Variants in TBCA observed in about 807,000 individuals in gnomAD.
TBCA encodes tubulin folding cofactor A.
Under a neutral mutation model 15.8 loss-of-function variants are expected in TBCA, and 6 were observed. The ratio of observed to expected loss-of-function variants is 0.38; its 90% confidence interval spans 0.21 to 0.75. The LOEUF (loss-of-function observed/expected upper bound fraction) is 0.75, where lower values mean the gene tolerates loss of function less well. Ranked by LOEUF, TBCA falls within the 30% of genes least tolerant of loss-of-function variation. The pLI, the probability that TBCA is intolerant of heterozygous loss-of-function variation, is 0.46. For missense variants in TBCA, 90 were observed against 131.2 expected (o/e 0.69, Z 1.53); for synonymous variants, 32 against 42.3 (o/e 0.76, Z 0.94).
intron 1 of TBCA, among the ~76,000 whole-genome samples, chr5:77,759,195 G>C (rs1387104965): frequency 6.6e-6 from 1 of 152,168 alleles, no homozygotes; most frequent in African/African-American, 2.4e-5. Flanking sequence ...ATCAAAGAGC[G>C]GGGACGCTTC....
intron 1 of TBCA, among the ~76,000 whole-genome samples, chr5:77,775,176 C>T (rs898033813): frequency 7.2e-5 from 11 of 152,114 alleles, no homozygotes; most frequent in African/African-American, 2.2e-4. Context: ...GAGACAAATG[C>T]GTAACTGACT....
Position 77,703,805 on chromosome 5 carries a change from T to G in TBCA, c.159+4437A>C, listed in dbSNP as rs188910484. Among the ~76,000 whole-genome samples, 267 of 152,270 alleles carry G rather than the reference T, an allele frequency of 1.8e-3. 1 individual carries two copies. Among genetic ancestry groups the G allele is most frequent in the Non-Finnish European group, 3.3e-3 (226 of 68,012 alleles). On this transcript the variant is annotated intron_variant, in intron 2 of 3. Coordinates refer to ENST00000380377, the MANE Select transcript of TBCA (RefSeq NM_004607.3). ...TAGAGACAGAGTTTCACCTTTGATA[T>G]GGTTTTACTCTGTGTCCCCACACAA...
At chr5:77,735,432 T>C (rs535925091) in intron 1 of TBCA, among the ~76,000 whole-genome samples, 1 of 152,164 alleles carries the variant, frequency 6.6e-6, no homozygotes, top group African/African-American at 2.4e-5. Context: ...AAATTTAGCA[T>C]CCTTTGAGGC....
At chr5:77,750,822 A>G (rs1400786529) in intron 1 of TBCA, among the ~76,000 whole-genome samples, 1 of 152,214 alleles carries the variant, frequency 6.6e-6, no homozygotes, top group African/African-American at 2.4e-5. Context: ...GACATAATAC[A>G]TTAGTCAACA....
chr5:77,713,629 G>T (rs1301086633), intron 1 of TBCA, among the ~76,000 whole-genome samples: 1 of 152,126 alleles, frequency 6.6e-6, no homozygotes, highest in Non-Finnish European at 1.5e-5. Context: ...TAATAATGTG[G>T]TAAGTCAAAC....
At chr5:77,707,625 T>G (rs528224518) in intron 2 of TBCA, among the ~76,000 whole-genome samples, 1 of 152,306 alleles carries the variant, frequency 6.6e-6, no homozygotes, top group South Asian at 2.1e-4. Context: ...GAGCCTTGTA[T>G]GCAATGTTAA....
intron 1 of TBCA, among the ~76,000 whole-genome samples, chr5:77,751,398 C>T (rs1458883947): frequency 1.3e-5 from 2 of 151,800 alleles, no homozygotes; most frequent in Non-Finnish European, 2.9e-5. Context: ...AGGCTGGTCT[C>T]GAAATCCTGA....
intron 1 of TBCA, among the ~76,000 whole-genome samples, chr5:77,720,947 C>T (rs974600062): frequency 2.0e-5 from 3 of 152,270 alleles, no homozygotes; most frequent in Middle Eastern, 3.4e-3. Context: ...TATCCAACAT[C>T]ATCACTCTAT....
At chr5:77,723,772 T>C (rs1477821976) in intron 1 of TBCA, among the ~76,000 whole-genome samples, 4 of 152,150 alleles carry the variant, frequency 2.6e-5, no homozygotes, top group Non-Finnish European at 4.4e-5. Flanking sequence ...TAGTAATAGA[T>C]ACTGCGTATC....
chr5:77,755,450 G>A lies in TBCA; in HGVS notation c.53+20755C>T, dbSNP rs138048159. On this transcript the variant is annotated intron_variant, in intron 1 of 3. Transcript: ENST00000380377. ...AAATTAGCCGTGTGTGGTGGTGCAC[G>A]CCTGTAATCCCAGCTACTCAGGAGG... Among the ~76,000 whole-genome samples the A allele has an allele frequency of 5.5e-3, 840 of 152,174 alleles. 2 individuals are homozygous for A. The highest frequency in any genetic ancestry group is 0.019 in the African/African-American group (772 of 41,506).
rs532533925 is a variant in TBCA, at chr5:77,732,842, G to C, written c.54-24495C>G. Among the ~76,000 whole-genome samples, 9 of 152,158 alleles carry C rather than the reference G, an allele frequency of 5.9e-5. 1 individual carries two copies. In the South Asian group the frequency reaches 1.9e-3, roughly 32 times the overall value. On this transcript the variant is annotated intron_variant, in intron 1 of 3. Transcript: ENST00000380377. ...TATATTCTGACTGCTCCAATGACTG[G>C]CTGTTCTCTCATTTCTCTTGCTCTC...
chr5:77,721,839 C>G (rs1746536780), intron 1 of TBCA, among the ~76,000 whole-genome samples: 1 of 151,954 alleles, frequency 6.6e-6, no homozygotes, highest in Non-Finnish European at 1.5e-5. Flanking sequence ...CCCTTTCATT[C>G]TTCACCTGTT....
chr5:77,748,259 A>T (rs1196745755), intron 1 of TBCA, among the ~76,000 whole-genome samples: 1 of 152,192 alleles, frequency 6.6e-6, no homozygotes, highest in South Asian at 2.1e-4. Context: ...ACTGTAATGT[A>T]GTAATATGGA....
intron 1 of TBCA, among the ~76,000 whole-genome samples, chr5:77,739,342 T>C (rs1304544854): frequency 6.6e-6 from 1 of 152,074 alleles, no homozygotes; most frequent in African/African-American, 2.4e-5. Context: ...ACACCTGTAA[T>C]CCCAGCTACT....
At chr5:77,756,900 A>C (rs1231144824) in intron 1 of TBCA, among the ~76,000 whole-genome samples, 3 of 151,584 alleles carry the variant, frequency 2.0e-5, no homozygotes, top group African/African-American at 7.3e-5. Flanking sequence ...TGAGTTCTTT[A>C]AGAGTTCGAG....
intron 1 of TBCA, among the ~76,000 whole-genome samples, chr5:77,752,573 A>G (rs1747373749): frequency 2.1e-5 from 1 of 47,204 alleles, no homozygotes; most frequent in African/African-American, 6.9e-5. Context: ...TTTTTTTGAG[A>G]CGGAGTCTCG....
intron 1 of TBCA, among the ~76,000 whole-genome samples, chr5:77,716,314 A>G (rs1465279274): frequency 2.0e-5 from 3 of 152,228 alleles, no homozygotes; most frequent in Non-Finnish European, 2.9e-5. Context: ...CTGAGGTTTT[A>G]GCATTTCCAA....
chr5:77,773,081 T>C lies in TBCA; in HGVS notation c.53+3124A>G, dbSNP rs543278134. ...CACACCCTGATAGTTCTGCCAAATA[T>C]ACTGACTAAAATGACATAACCCAAG... is the stretch of plus-strand genomic sequence containing the variant. On this transcript the variant is annotated intron_variant, in intron 1 of 3. Transcript: ENST00000380377. Among the ~76,000 whole-genome samples, 8 of 152,278 alleles carry C rather than the reference T, an allele frequency of 5.3e-5. No homozygotes were observed. The East Asian group carries it at 1.2e-3, about 22-fold the overall frequency.
At chr5:77,748,734 C>T (rs566146833) in intron 1 of TBCA, among the ~76,000 whole-genome samples, 1 of 152,246 alleles carries the variant, frequency 6.6e-6, no homozygotes, top group South Asian at 2.1e-4. Flanking sequence ...ATTTTTGACT[C>T]CCCAAAAACT....
Sources: gnomAD v4.1 joint callset for allele counts (sites outside exome capture counted in the v4.1 genomes callset) on GRCh38, gnomAD v4.1.1 for gene constraint, MANE v1.5 for transcripts, NCBI Gene and HGNC (gene_info 2026-07-23, HGNC 2026-07-21) for gene names.